Variants in SERPINF2 observed in about 807,000 individuals in gnomAD.
SERPINF2 encodes serpin family F member 2, also known as alpha-2-antiplasmin.
In SERPINF2, 15 loss-of-function variants were observed where a neutral mutation model predicts 45.0. That is an observed-to-expected ratio of 0.33 (90% CI 0.22 to 0.51). The LOEUF (loss-of-function observed/expected upper bound fraction) is 0.51, where lower values mean the gene tolerates loss of function less well. SERPINF2 is among the 20% of genes least tolerant of loss of function. The probability of loss-of-function intolerance (pLI) is 0.97; values close to 1 mark genes in which losing one functional copy is unlikely to be tolerated. For missense variants in SERPINF2, 518 were observed against 637.4 expected, an observed-to-expected ratio of 0.81 and a Z score of 2.02; for synonymous variants, 283 against 277.9, an observed-to-expected ratio of 1.02 and a Z score of -0.18.
At chr17:1,751,023 C>T (rs1029323886) in intron 8 of SERPINF2, among the ~76,000 whole-genome samples, 1 of 152,222 alleles carries the variant, frequency 6.6e-6, no homozygotes, top group African/African-American at 2.4e-5. Context: ...ACAGCCAGAA[C>T]CCGGGGCTTA....
Position 1,754,803 on chromosome 17 carries a change from T to G in SERPINF2, c.*269T>G, listed in dbSNP as rs1025723308. ...CACCGGGGCCTGGGCAGGAGGGAGG[T>G]GCTTCTAGTTCTGCCAGGAGACAGG... On this transcript the variant is annotated 3_prime_UTR_variant, in exon 10 of 10. Transcript: ENST00000453066. 7 of 522,264 alleles carry G rather than the reference T, an allele frequency of 1.3e-5. No homozygotes were observed. The highest frequency in any genetic ancestry group is 2.3e-5 in the Non-Finnish European group (7 of 299,478). 32.4% of individuals were successfully genotyped at this position (522,264 alleles called of 1,614,324 possible).
intron 1 of SERPINF2, chr17:1,744,641 G>C: frequency 1.0e-6 from 1 of 985,464 alleles, no homozygotes; most frequent in Non-Finnish European, 1.2e-6. Flanking sequence ...CCTTTGGCAA[G>C]AGGTAGCCTG....
In SERPINF2 at chr17:1,751,049, G is replaced by A. The variant is rs538683352; in HGVS notation, c.859-1537G>A. Among the ~76,000 whole-genome samples, 30 of 152,320 alleles carry A rather than the reference G, an allele frequency of 2.0e-4. No individual in the cohort carries two copies. The South Asian group carries it at 5.6e-3, about 28-fold the overall frequency. The stretch of plus-strand genomic sequence containing the variant: ...CCGGGGCTTATCCTCCCACGGGCAG[G>A]GGTTCTCCACACGGGTACTCTGCCT... On this transcript the variant is annotated intron_variant, in intron 8 of 9. Transcript: ENST00000453066.
At position 1,754,563 on chromosome 17, in the gene SERPINF2, C is replaced by T; in HGVS notation, c.*29C>T. On this transcript the variant is annotated 3_prime_UTR_variant, in exon 10 of 10. Transcript: ENST00000453066. The stretch of plus-strand genomic sequence containing the variant: ...GCCGTGGCTGTGGCATCCAGAGTCC[C>T]TGCCTGGACCAGCCTCTCCACTCAT... 1 of 1,598,138 alleles carries T rather than the reference C, an allele frequency of 6.3e-7. No individual in the cohort carries two copies. The highest frequency in any genetic ancestry group is 1.1e-5 in the South Asian group (1 of 90,388).
intron 5 of SERPINF2, among the ~76,000 whole-genome samples, chr17:1,746,654 C>T (rs868416681): frequency 1.6e-4 from 24 of 152,104 alleles, no homozygotes; most frequent in African/African-American, 5.3e-4. Flanking sequence ...CTCGAACTCT[C>T]GACCTAAGGT....
chr17:1,748,585 T>A lies in SERPINF2; in HGVS notation c.716-13T>A. Reference sequence around the variant, plus strand: ...CCCCGTCGACGTGACCCCTGCCCTCTGCTGGGTTTCAGGTTTCTGGAGGAA... The same window carrying A: ...CCCCGTCGACGTGACCCCTGCCCTCAGCTGGGTTTCAGGTTTCTGGAGGAA... On this transcript the variant is annotated splice_polypyrimidine_tract_variant and intron_variant, in intron 7 of 9. Transcript: ENST00000453066. 3 of 1,612,828 alleles carry A rather than the reference T, an allele frequency of 1.9e-6. No homozygotes were observed. The highest frequency in any genetic ancestry group is 2.5e-6 in the Non-Finnish European group (3 of 1,180,002).
chr17:1,752,941 G>GC, intron 9 of SERPINF2, 151 bp downstream of exon 9: 1 of 707,106 alleles, frequency 1.4e-6, no homozygotes, highest in Non-Finnish European at 2.3e-6. Flanking sequence ...TTGAATATGA[G>GC]CCCCCAGACC....
In SERPINF2 at chr17:1,752,653, A is replaced by G. The variant is rs753658952; in HGVS notation, c.926A>G (p.Asn309Ser). Residue 309 changes from asparagine (N) to serine (S), a missense_variant, in exon 9 of 10, where the codon AAC (asparagine) becomes AGC (serine). By Grantham distance (46) the Asn-to-Ser change is conservative. Transcript: ENST00000453066. ...CTTGTACCCACCCACTTTGAATGGA[A>G]CGTGTCCCAGGTACTGGCCAACCTG... Reference protein sequence around the residue: ...VVLVPTHFEWNVSQVLANLSW... With the variant: ...VVLVPTHFEWSVSQVLANLSW... The G allele has an allele frequency of 1.2e-6, 2 of 1,614,170 alleles. No individual in the cohort carries two copies. Among genetic ancestry groups the G allele is most frequent in the South Asian group, 2.2e-5 (2 of 91,086 alleles).
intron 8 of SERPINF2, 125 bp downstream of exon 8, chr17:1,748,865 A>G: frequency 1.3e-6 from 1 of 749,362 alleles, no homozygotes; most frequent in Non-Finnish European, 2.4e-6. Flanking sequence ...CACGTCCCCT[A>G]GGCAGGCAAC....
chr17:1,752,036 A>G (rs547929212), intron 8 of SERPINF2, among the ~76,000 whole-genome samples: 1 of 138,356 alleles, frequency 7.2e-6, no homozygotes, highest in African/African-American at 2.4e-5. Context: ...GTGACAGCGG[A>G]CACTGCTACA....
rs753748819 is a variant in SERPINF2 at position 1,745,947 on chromosome 17, G to A, written c.367+38G>A. 6.2e-7 allele frequency: 1 copy of A among 1,605,532 alleles called. No homozygotes were observed. Among genetic ancestry groups the A allele is most frequent in the Non-Finnish European group, 8.5e-7 (1 of 1,172,944 alleles). On this transcript the variant is annotated intron_variant, in intron 5 of 9. Transcript: ENST00000453066. This position sits in a 1 kb window ranked among gnomAD's most constrained non-coding sequence, Gnocchi z 6.2. ...CACTTGTCCAGACCAAGAGAGCTGG[G>A]AGGCCAGTAGGAACTCAGTACTCCA...
chr17:1,749,552 C>T (rs770153959), intron 8 of SERPINF2, among the ~76,000 whole-genome samples: 3 of 152,210 alleles, frequency 2.0e-5, no homozygotes, highest in Admixed American at 6.5e-5. Context: ...GGGCTGAGAT[C>T]GCACCACTGC....
chr17:1,754,016 G>T, intron 9 of SERPINF2, 106 bp from the exon 10 acceptor site: 5 of 1,302,314 alleles, frequency 3.8e-6, no homozygotes, highest in Non-Finnish European at 3.3e-6. Context: ...AGGTATCTGT[G>T]AGTTCAAGCT....
At chr17:1,753,110 A>G (rs1906531281) in intron 9 of SERPINF2, among the ~76,000 whole-genome samples, 1 of 152,182 alleles carries the variant, frequency 6.6e-6, no homozygotes, top group Non-Finnish European at 1.5e-5. Context: ...GGGGTGTCAC[A>G]CTGTTAAAGA....
At chr17:1,742,937 T>C in intron 1 of SERPINF2, 29 bp downstream of exon 1, 1 of 985,370 alleles carries the variant, frequency 1.0e-6, no homozygotes, top group Non-Finnish European at 1.2e-6. Context: ...CTCGGCCTGC[T>C]CCTTGGGTAG....
intron 7 of SERPINF2, 59 bp downstream of exon 7, chr17:1,747,571 C>G: frequency 1.3e-6 from 2 of 1,563,570 alleles, no homozygotes; most frequent in Non-Finnish European, 1.7e-6. Flanking sequence ...ACGTGCAGGC[C>G]TTTTTGTTTT....
At chr17:1,747,227 G>T (rs1905918137) in intron 6 of SERPINF2, 65 bp downstream of exon 6, 7 of 1,610,356 alleles carry the variant, frequency 4.3e-6, no homozygotes, top group Non-Finnish European at 5.9e-6. Context: ...AGAGCAAGGG[G>T]CTGGGCCTCT....
At chr17:1,753,621 G>T (rs2151197476) in intron 9 of SERPINF2, among the ~76,000 whole-genome samples, 1 of 152,290 alleles carries the variant, frequency 6.6e-6, no homozygotes, top group Non-Finnish European at 1.5e-5. Flanking sequence ...GGGAGGAGGA[G>T]GTTGCAGTGA....
chr17:1,745,649 T>G lies in SERPINF2; in HGVS notation c.166-59T>G. 6.4e-7 allele frequency: 1 copy of G among 1,551,166 alleles called. No homozygotes were observed. The highest frequency in any genetic ancestry group is 2.2e-5 in the East Asian group (1 of 44,588). On this transcript the variant is annotated intron_variant, in intron 4 of 9. Coordinates refer to ENST00000453066, the MANE Select transcript of SERPINF2 (RefSeq NM_000934.4). The surrounding 1 kb of genome is among the most constrained non-coding windows in gnomAD (Gnocchi z 6.2). ...AGGCACAGGGGCTGTGACAAGGCCT[T>G]CAACACAGAACCTGGAGCTGACCCC...
Sources: allele counts gnomAD v4.1 joint callset (sites outside exome capture counted in the v4.1 genomes callset), GRCh38; gene constraint gnomAD v4.1.1; non-coding constraint Gnocchi (gnomAD v3.1); transcripts MANE v1.5; gene names NCBI Gene and HGNC (gene_info 2026-07-23, HGNC 2026-07-21).